Variants in NHS observed in about 807,000 individuals in gnomAD.
NHS encodes the protein actin remodeling regulator NHS.
A neutral mutation model predicts 72.5 loss-of-function variants in NHS; 5 were observed. That is an observed-to-expected ratio of 0.07 (90% CI 0.04 to 0.14). The LOEUF (loss-of-function observed/expected upper bound fraction) is 0.14. NHS is among the 10% of genes least tolerant of loss of function. The pLI is 1.00. For missense variants in NHS, 1,072 were observed against 1,355.7 expected (o/e 0.79, Z 3.29); for synonymous variants, 464 against 547.7 (o/e 0.85, Z 2.13).
chrX:17,568,568 T>A (rs1261041922), intron 1 of NHS, among the ~76,000 whole-genome samples: 1 of 107,763 alleles, frequency 9.3e-6, no homozygotes, highest in Non-Finnish European at 1.9e-5. Flanking sequence ...TTCTTGCTCA[T>A]ACAAAAGTCT....
At chrX:17,542,695 G>C (rs777161147) in intron 1 of NHS, among the ~76,000 whole-genome samples, 1 of 110,412 alleles carries the variant, frequency 9.1e-6, no homozygotes, top group African/African-American at 3.3e-5. Flanking sequence ...AATCCAGAGA[G>C]AGAGAGAGAG....
chrX:17,448,714 T>A (rs2064793233), intron 1 of NHS, among the ~76,000 whole-genome samples: 1 of 111,746 alleles, frequency 8.9e-6, no homozygotes, highest in South Asian at 3.8e-4. Flanking sequence ...AGGAGCTTTG[T>A]AGGAAGGTGA....
At chrX:17,603,826 T>C (rs921252214) in intron 1 of NHS, among the ~76,000 whole-genome samples, 15 of 111,229 alleles carry the variant, frequency 1.3e-4, no homozygotes, top group African/African-American at 4.6e-4. Flanking sequence ...TAATAAGCTA[T>C]GGAAACTTCT....
chrX:17,509,071 C>T (rs750422291), intron 1 of NHS, among the ~76,000 whole-genome samples: 1 of 111,344 alleles, frequency 9.0e-6, no homozygotes, highest in Non-Finnish European at 1.9e-5. Context: ...GTCTCTTTAG[C>T]ATTTGGTAAT....
chrX:17,552,075 A>G (rs1439328211), intron 1 of NHS, among the ~76,000 whole-genome samples: 1 of 111,987 alleles, frequency 8.9e-6, no homozygotes, highest in East Asian at 2.8e-4. Context: ...TCCAGGACCA[A>G]TTAGGCAAGT....
At chrX:17,393,269 TG>T (rs1249271050) in intron 1 of NHS, among the ~76,000 whole-genome samples, 2 of 100,988 alleles carry the variant, frequency 2.0e-5, no homozygotes, top group African/African-American at 7.3e-5. Flanking sequence ...TATTCCTTGC[TG>T]TACCTAGACT....
rs766914842 is a variant in NHS at position 17,401,575 on chromosome X, C to T, written c.565+25253C>T. Among the ~76,000 whole-genome samples the T allele has an allele frequency of 2.4e-4, 27 of 111,971 alleles. No individual in the cohort carries two copies. The East Asian group carries it at 6.8e-3, about 28-fold the overall frequency. On this transcript the variant is annotated intron_variant, in intron 1 of 8. Coordinates refer to ENST00000676302, the MANE Select transcript of NHS (RefSeq NM_001291867.2). ...ACAACAGAAGTTAATTTTCTCATTT[C>T]AGGAGGCTGGAAGTCCAAAATCATG...
At chrX:17,553,297 T>A (rs773022622) in intron 1 of NHS, among the ~76,000 whole-genome samples, 40 of 112,674 alleles carry the variant, frequency 3.6e-4, no homozygotes, top group African/African-American at 1.3e-3. Context: ...GTGGGAGGTG[T>A]GGAGAGCTGG....
At chrX:17,709,898 G>A (rs1044451975) in intron 3 of NHS, among the ~76,000 whole-genome samples, 35 of 111,439 alleles carry the variant, frequency 3.1e-4, no homozygotes, top group Non-Finnish European at 6.6e-4. Flanking sequence ...GGTACTGGAC[G>A]GCTGGGTCTG....
chrX:17,577,755 T>C (rs953506480), intron 1 of NHS, among the ~76,000 whole-genome samples: 8 of 111,720 alleles, frequency 7.2e-5, no homozygotes, highest in Admixed American at 5.7e-4. Flanking sequence ...AATGAAGAAA[T>C]ATGGAAACTG....
At chrX:17,386,933 G>A (rs748497674) in intron 1 of NHS, among the ~76,000 whole-genome samples, 1 of 111,923 alleles carries the variant, frequency 8.9e-6, no homozygotes, top group African/African-American at 3.2e-5. Flanking sequence ...AGTGGTGATG[G>A]TTTAAAATCT....
At chrX:17,646,111 T>A (rs1294466058) in intron 1 of NHS, among the ~76,000 whole-genome samples, 1 of 111,294 alleles carries the variant, frequency 9.0e-6, no homozygotes, top group East Asian at 2.8e-4. Context: ...CCCAGCTAAT[T>A]TTTTATTTTC....
chrX:17,678,271 G>GGTGT lies in NHS; in HGVS notation c.566-9451_566-9448dup, dbSNP rs747335244. 6.6e-3 allele frequency among the ~76,000 whole-genome samples: 675 copies of GGTGT among 102,684 alleles called. 6 individuals are homozygous for GGTGT. Among genetic ancestry groups the GGTGT allele is most frequent in the African/African-American group, 0.024 (639 of 26,951 alleles). The allele number at this position is 102,684 out of a possible 115,157, so 89.2% of individuals were successfully genotyped here. On this transcript the variant is annotated intron_variant, in intron 1 of 8. Transcript: ENST00000676302. ...TTTTAGACTTTTTTGAATGACTGTG[G>GGTGT]GTGTGTGTGTGTGTGTGTGTGTGAG...
intron 1 of NHS, among the ~76,000 whole-genome samples, chrX:17,505,843 G>C (rs1020855334): frequency 9.0e-6 from 1 of 111,105 alleles, no homozygotes; most frequent in East Asian, 2.8e-4. Flanking sequence ...GCATGTGCCT[G>C]TATATGCATG....
At chrX:17,444,552 A>G (rs1288541708) in intron 1 of NHS, among the ~76,000 whole-genome samples, 3 of 112,128 alleles carry the variant, frequency 2.7e-5, no homozygotes, top group African/African-American at 9.7e-5. Flanking sequence ...TGGGATGTCT[A>G]AAAGCTCCTT....
chrX:17,416,498 G>T (rs910769011), intron 1 of NHS, among the ~76,000 whole-genome samples: 14 of 112,315 alleles, frequency 1.2e-4, no homozygotes, highest in African/African-American at 4.2e-4. Flanking sequence ...CCAAGCACAA[G>T]TGAAATATAA....
At chrX:17,690,159 A>G (rs914692013) in intron 2 of NHS, among the ~76,000 whole-genome samples, 7 of 112,445 alleles carry the variant, frequency 6.2e-5, no homozygotes, top group African/African-American at 2.3e-4. Context: ...AGAGAGCCAT[A>G]AACAAGAATT....
chrX:17,435,990 A>G (rs2064719900), intron 1 of NHS, among the ~76,000 whole-genome samples: 1 of 112,171 alleles, frequency 8.9e-6, no homozygotes, highest in African/African-American at 3.2e-5. Context: ...AATCCTTGCT[A>G]TCAAAGATGC....
intron 1 of NHS, among the ~76,000 whole-genome samples, chrX:17,636,655 G>A (rs2065849520): frequency 8.9e-6 from 1 of 112,068 alleles, no homozygotes. Flanking sequence ...TACCAACACC[G>A]TGTATGCAGC....
Sources: allele counts gnomAD v4.1 joint callset (sites outside exome capture counted in the v4.1 genomes callset), GRCh38; gene constraint gnomAD v4.1.1; transcripts MANE v1.5; gene names NCBI Gene and HGNC (gene_info 2026-07-23, HGNC 2026-07-21).